TULP4: variants seen among roughly 807,000 people sequenced by gnomAD.
TULP4 encodes the protein tubby-related protein 4.
TULP4 carries 16 observed loss-of-function variants against 129.0 expected under a neutral mutation model. The observed-to-expected ratio is 0.12, with a 90% confidence interval of 0.08 to 0.19. TULP4 has a LOEUF of 0.19. Ranked by LOEUF, TULP4 falls within the 10% of genes least tolerant of loss-of-function variation. The probability of loss-of-function intolerance (pLI) is 1.00; values close to 1 mark genes in which losing one functional copy is unlikely to be tolerated. For missense variants in TULP4, 1,842 were observed against 2,059.1 expected (o/e 0.89, Z 2.04); for synonymous variants, 998 against 854.0 (o/e 1.17, Z -2.94).
chr6:158,438,262 A>G (rs556276507), intron 3 of TULP4, among the ~76,000 whole-genome samples: 1 of 152,294 alleles, frequency 6.6e-6, no homozygotes, highest in East Asian at 1.9e-4. Flanking sequence ...CCCAGATAGC[A>G]TATCATTTCA....
At chr6:158,275,015 G>T (rs9347176) in intron 1 of TULP4, among the ~76,000 whole-genome samples, 21,632 of 152,200 alleles carry the variant, frequency 0.14, 2,229 homozygotes, top group East Asian at 0.43. Flanking sequence ...AGTTTGATCA[G>T]TGTAGAAAGA....
At position 158,503,622 on chromosome 6, in the gene TULP4, C is replaced by T; in HGVS notation, c.3959C>T (p.Ser1320Phe). ...GCAGACAACTTCCAGGAAGTCCTCTCCCTGACCGAAAGCCCAGTCCCCCAG... is the reference window on the plus strand; with the variant it reads ...GCAGACAACTTCCAGGAAGTCCTCTTCCTGACCGAAAGCCCAGTCCCCCAG... ...ETADNFQEVL[S>F]LTESPVPQRT... The change falls in exon 13 of 14, where the codon TCC (serine) becomes TTC (phenylalanine). Residue 1320 changes from serine to phenylalanine, a missense_variant. Physicochemically the swap from Ser to Phe is radical, Grantham distance 155 (BLOSUM62 -2). Transcript: ENST00000367097. This position sits in a 1 kb window ranked among gnomAD's most constrained non-coding sequence, Gnocchi z 4.3. The T allele has an allele frequency of 6.2e-7, 1 of 1,614,124 alleles. No individual in the cohort carries two copies. The highest frequency in any genetic ancestry group is 8.5e-7 in the Non-Finnish European group (1 of 1,180,034).
chr6:158,499,163 C>G (rs1300109100), intron 12 of TULP4, among the ~76,000 whole-genome samples: 1 of 152,202 alleles, frequency 6.6e-6, no homozygotes, highest in Non-Finnish European at 1.5e-5. Flanking sequence ...TAAATAAAAT[C>G]AGAACTGAGA....
chr6:158,491,287 G>C (rs1562589004), intron 9 of TULP4, among the ~76,000 whole-genome samples: 1 of 152,144 alleles, frequency 6.6e-6, no homozygotes. Flanking sequence ...ATGCTGCTTC[G>C]TTTGCATGTT....
chr6:158,422,947 A>G (rs906594011), intron 2 of TULP4, among the ~76,000 whole-genome samples: 2 of 152,248 alleles, frequency 1.3e-5, no homozygotes, highest in Admixed American at 6.5e-5. Context: ...GGATGGACCC[A>G]GTTTCTAATG....
chr6:158,449,204 A>C, intron 4 of TULP4, 28 bp downstream of exon 4: 1 of 1,593,180 alleles, frequency 6.3e-7, no homozygotes, highest in Non-Finnish European at 8.6e-7. Context: ...TTTCCTTGTC[A>C]CTGACCAGAA....
intron 11 of TULP4, among the ~76,000 whole-genome samples, chr6:158,497,779 C>T (rs548184806): frequency 7.2e-4 from 110 of 152,326 alleles, no homozygotes; most frequent in African/African-American, 2.5e-3. Flanking sequence ...TGGGCCAGCC[C>T]CGCAAAGATG....
intron 1 of TULP4, among the ~76,000 whole-genome samples, chr6:158,276,116 C>T (rs1334515597): frequency 2.6e-5 from 4 of 151,716 alleles, no homozygotes; most frequent in African/African-American, 7.3e-5. Flanking sequence ...ATTACAGGTG[C>T]GCGCCACCAT....
intron 1 of TULP4, among the ~76,000 whole-genome samples, chr6:158,357,111 A>G (rs1486120376): frequency 6.6e-6 from 1 of 152,226 alleles, no homozygotes; most frequent in African/African-American, 2.4e-5. Context: ...AGCGTCCTCC[A>G]GATGGGGTGG....
At chr6:158,254,465 G>A (rs1432366995) in intron 1 of TULP4, among the ~76,000 whole-genome samples, 2 of 152,154 alleles carry the variant, frequency 1.3e-5, no homozygotes, top group Non-Finnish European at 2.9e-5. Context: ...TTTTAAGGTA[G>A]ATGTCCATTA....
chr6:158,474,858 T>G (rs1779780956), intron 6 of TULP4, among the ~76,000 whole-genome samples: 1 of 152,194 alleles, frequency 6.6e-6, no homozygotes, highest in Non-Finnish European at 1.5e-5. Flanking sequence ...AGTCAGATTT[T>G]GGAGCATTTT....
At chr6:158,355,212 C>A (rs1362192781) in intron 1 of TULP4, among the ~76,000 whole-genome samples, 1 of 151,980 alleles carries the variant, frequency 6.6e-6, no homozygotes, top group East Asian at 1.9e-4. Flanking sequence ...GCTGGGACTA[C>A]AGGAATGTGT....
At chr6:158,338,727 G>A (rs1340177590) in intron 1 of TULP4, among the ~76,000 whole-genome samples, 1 of 152,186 alleles carries the variant, frequency 6.6e-6, no homozygotes. Flanking sequence ...ACTACTTTGG[G>A]GTAGAGCCAG....
intron 1 of TULP4, among the ~76,000 whole-genome samples, chr6:158,341,245 A>G (rs1780173748): frequency 6.6e-6 from 1 of 152,058 alleles, no homozygotes; most frequent in South Asian, 2.1e-4. Context: ...AGTTCCATCC[A>G]TGTTGTTGTA....
intron 3 of TULP4, among the ~76,000 whole-genome samples, chr6:158,447,013 G>A (rs765554436): frequency 7.2e-5 from 11 of 152,084 alleles, no homozygotes; most frequent in East Asian, 1.9e-4. Flanking sequence ...ATAGTCCATC[G>A]CCTCAAAAGT....
At chr6:158,304,326 C>T (rs983222350) in intron 1 of TULP4, among the ~76,000 whole-genome samples, 1 of 152,140 alleles carries the variant, frequency 6.6e-6, no homozygotes, top group Non-Finnish European at 1.5e-5. Context: ...CAATTAGACA[C>T]ATGTATTCTT....
intron 1 of TULP4, among the ~76,000 whole-genome samples, chr6:158,317,661 G>C (rs542858517): frequency 5.7e-4 from 87 of 151,976 alleles, no homozygotes; most frequent in African/African-American, 2.0e-3. Flanking sequence ...GCATGATTTT[G>C]GGTATATACC....
intron 1 of TULP4, among the ~76,000 whole-genome samples, chr6:158,245,746 C>A (rs1778017047): frequency 6.6e-6 from 1 of 152,072 alleles, no homozygotes; most frequent in Non-Finnish European, 1.5e-5. Context: ...TTTATAGCAA[C>A]CAATCTGGGA....
At chr6:158,381,620 T>A (rs1039208752) in intron 1 of TULP4, among the ~76,000 whole-genome samples, 46 of 152,346 alleles carry the variant, frequency 3.0e-4, no homozygotes, top group Middle Eastern at 3.4e-3. Flanking sequence ...GGCTTGATGG[T>A]CATTAGAATT....
Sources: gnomAD v4.1 joint callset for allele counts (sites outside exome capture counted in the v4.1 genomes callset) on GRCh38, gnomAD v4.1.1 for gene constraint, Gnocchi (gnomAD v3.1) non-coding constraint, MANE v1.5 for transcripts, NCBI Gene and HGNC (gene_info 2026-07-23, HGNC 2026-07-21) for gene names.